The following GRIN2B variants were observed in gnomAD, a reference collection of about 807,000 sequenced individuals.
The protein encoded by GRIN2B is glutamate receptor ionotropic, NMDA 2B.
GRIN2B carries 5 observed loss-of-function variants against 114.5 expected under a neutral mutation model. The observed-to-expected ratio is 0.04, with a 90% CI of 0.02 to 0.09. The LOEUF (loss-of-function observed/expected upper bound fraction) is 0.09. Among genes scored for constraint, GRIN2B ranks in the 10% least tolerant of loss-of-function variants. The pLI is 1.00. For missense variants in GRIN2B, 1,108 were observed against 1,943.5 expected (o/e 0.57, Z 8.08); for synonymous variants, 787 against 745.1 (o/e 1.06, Z -0.92).
intron 5 of GRIN2B, among the ~76,000 whole-genome samples, chr12:13,668,725 G>C (rs898657813): frequency 1.3e-5 from 2 of 151,870 alleles, no homozygotes; most frequent in African/African-American, 4.8e-5. Flanking sequence ...GTATCAAATA[G>C]TAAGATTTAA....
At chr12:13,629,618 C>T (rs1215670937) in intron 5 of GRIN2B, among the ~76,000 whole-genome samples, 1 of 151,970 alleles carries the variant, frequency 6.6e-6, no homozygotes, top group Non-Finnish European at 1.5e-5. Flanking sequence ...CCTTTCCCTT[C>T]CTCTTTCCCT....
chr12:13,623,761 G>T (rs1949541336), intron 5 of GRIN2B, among the ~76,000 whole-genome samples: 1 of 151,894 alleles, frequency 6.6e-6, no homozygotes, highest in East Asian at 1.9e-4. Flanking sequence ...CTTTTTTTCT[G>T]TGCACAAAAT....
At chr12:13,583,884 G>A (rs1349206032) in intron 10 of GRIN2B, among the ~76,000 whole-genome samples, 1 of 152,154 alleles carries the variant, frequency 6.6e-6, no homozygotes, top group Non-Finnish European at 1.5e-5. Context: ...ACCCCACAGT[G>A]CTCAGGTGTA....
intron 12 of GRIN2B, 22 bp downstream of exon 12, chr12:13,569,808 A>T: frequency 6.6e-7 from 1 of 1,524,636 alleles, no homozygotes; most frequent in South Asian, 1.2e-5. Flanking sequence ...ACAAATGGGC[A>T]CTTTCCCTTT....
intron 3 of GRIN2B, among the ~76,000 whole-genome samples, chr12:13,786,988 C>T (rs899169031): frequency 2.0e-5 from 3 of 152,158 alleles, no homozygotes; most frequent in Admixed American, 1.3e-4. Flanking sequence ...CACGATCCAC[C>T]TCCTCCAAGG....
chr12:13,920,965 G>A (rs1256264039), intron 2 of GRIN2B, among the ~76,000 whole-genome samples: 2 of 152,064 alleles, frequency 1.3e-5, no homozygotes, highest in African/African-American at 4.8e-5. Flanking sequence ...CAATCCTAAC[G>A]GCACCAAGGA....
Position 13,778,983 on chromosome 12 carries a change from C to T in GRIN2B, c.412-25068G>A, listed in dbSNP as rs552523175. On this transcript the variant is annotated intron_variant, in intron 3 of 13. Coordinates refer to ENST00000609686, the MANE Select transcript of GRIN2B (RefSeq NM_000834.5). ...TTCTAGGTTACAGATATAATATATCCCATAACCAGCTTCCTTTCCTTAACG... is the reference window on the plus strand; with the variant it reads ...TTCTAGGTTACAGATATAATATATCTCATAACCAGCTTCCTTTCCTTAACG... 6.6e-4 allele frequency among the ~76,000 whole-genome samples: 101 copies of T among 152,232 alleles called. 2 individuals carry two copies. In the Middle Eastern group the frequency reaches 0.014, roughly 21 times the overall value.
Position 13,563,540 on chromosome 12 carries a change from T to A in GRIN2B, c.3698A>T (p.Asn1233Ile). The stretch of plus-strand genomic sequence containing the variant: ...CCGGATGCACGCCTGCCTGCCCGAG[T>A]TCTGACCCGTCACCGTCGTGGAGTA... ...HNYSTTVTGQ[N>I]SGRQACIRCE... Residue 1233 changes from asparagine (N) to isoleucine (I), a missense_variant, in exon 14 of 14, where the codon AAC becomes ATC. By Grantham distance (149) the Asn-to-Ile change is moderately radical (BLOSUM62 -3). Coordinates refer to ENST00000609686, the MANE Select transcript of GRIN2B (RefSeq NM_000834.5). The A allele has an allele frequency of 6.2e-7, 1 of 1,614,112 alleles. No homozygotes were observed. Among genetic ancestry groups the A allele is most frequent in the Non-Finnish European group, 8.5e-7 (1 of 1,180,026 alleles).
intron 3 of GRIN2B, among the ~76,000 whole-genome samples, chr12:13,782,539 T>C (rs994528452): frequency 1.4e-4 from 21 of 152,204 alleles, no homozygotes; most frequent in African/African-American, 4.8e-4. Context: ...GAAACTACAA[T>C]AAAATACAGA....
intron 4 of GRIN2B, among the ~76,000 whole-genome samples, chr12:13,735,739 A>C (rs535262625): frequency 2.6e-4 from 40 of 152,248 alleles, no homozygotes; most frequent in African/African-American, 8.2e-4. Context: ...CCTCCTTCTC[A>C]TCAGATATAT....
At chr12:13,851,595 A>C (rs1472024116) in intron 3 of GRIN2B, among the ~76,000 whole-genome samples, 1 of 152,204 alleles carries the variant, frequency 6.6e-6, no homozygotes, top group Non-Finnish European at 1.5e-5. Context: ...CCTCTATTAA[A>C]ATAACAATAA....
At chr12:13,948,814 A>T (rs1196572818) in intron 2 of GRIN2B, among the ~76,000 whole-genome samples, 1 of 152,146 alleles carries the variant, frequency 6.6e-6, no homozygotes, top group Non-Finnish European at 1.5e-5. Flanking sequence ...ACTGGTGACT[A>T]ATGGGAATTC....
In GRIN2B at chr12:13,826,586, T is replaced by A. The variant is rs1472055287; in HGVS notation, c.411+39212A>T. Among the ~76,000 whole-genome samples the A allele has an allele frequency of 2.6e-5, 4 of 152,200 alleles. No individual in the cohort carries two copies. The East Asian group carries it at 7.7e-4, about 29-fold the overall frequency. ...CTTATGGCTGTTTTTAATATTTTTC[T>A]CTTTATTGCTAATTTTCAGCAGTTT... is the stretch of plus-strand genomic sequence containing the variant. On this transcript the variant is annotated intron_variant, in intron 3 of 13. Transcript: ENST00000609686.
chr12:13,586,578 A>C (rs974423656), intron 10 of GRIN2B, among the ~76,000 whole-genome samples: 1 of 152,252 alleles, frequency 6.6e-6, no homozygotes, highest in East Asian at 1.9e-4. Flanking sequence ...AGGGGCTTTG[A>C]AGAAGTCATT....
intron 2 of GRIN2B, among the ~76,000 whole-genome samples, chr12:13,916,741 G>GCACAAA (rs1467228531): frequency 9.0e-6 from 1 of 111,050 alleles, no homozygotes; most frequent in Non-Finnish European, 1.9e-5. Context: ...ACACATTTGT[G>GCACAAA]TGTGTGTGTG....
rs745441478 is a variant in GRIN2B at position 13,675,855 on chromosome 12, G to A, written c.1015C>T (p.Leu339=). The A allele has an allele frequency of 1.3e-6, 2 of 1,534,462 alleles. No homozygotes were observed. The highest frequency in any genetic ancestry group is 1.8e-6 in the Non-Finnish European group (2 of 1,107,658). The change falls in exon 5 of 14, where the codon CTG becomes TTG. Residue 339 remains leucine, a synonymous_variant. Transcript: ENST00000609686. ...CTCCCCTCAAAAGTGACATTGATCA[G>A]ATACCTGTAAAGATAAAATAAAAGG... is the stretch of plus-strand genomic sequence containing the variant. ...IYQSNMLNRY[L]INVTFEGRNL...
intron 2 of GRIN2B, among the ~76,000 whole-genome samples, chr12:13,934,215 C>T (rs1218588753): frequency 6.6e-6 from 1 of 152,208 alleles, no homozygotes. Context: ...CCTACCCATG[C>T]TCTTCCTCTG....
In GRIN2B at chr12:13,833,284, T is replaced by C. The variant is rs74067115; in HGVS notation, c.411+32514A>G. On this transcript the variant is annotated intron_variant, in intron 3 of 13. Transcript: ENST00000609686. ...CAATTTCAATCCTTCCACTCAGAGG[T>C]AGGTACTCAAACAGGAGAATTGCCA... 7.8e-3 allele frequency among the ~76,000 whole-genome samples: 1,194 copies of C among 152,180 alleles called. 21 individuals are homozygous for C. Among genetic ancestry groups the C allele is most frequent in the African/African-American group, 0.027 (1,115 of 41,518 alleles).
At chr12:13,676,180 G>A (rs1221225844) in intron 4 of GRIN2B, among the ~76,000 whole-genome samples, 1 of 151,980 alleles carries the variant, frequency 6.6e-6, no homozygotes, top group African/African-American at 2.4e-5. Flanking sequence ...GACACACTGG[G>A]GCCTGTAGGC....
Sources: allele counts gnomAD v4.1 joint callset (sites outside exome capture counted in the v4.1 genomes callset), GRCh38; gene constraint gnomAD v4.1.1; transcripts MANE v1.5; gene names NCBI Gene and HGNC (gene_info 2026-07-23, HGNC 2026-07-21).